The following CCDC57 variants were observed in gnomAD, a reference collection of about 807,000 sequenced individuals.
The protein encoded by CCDC57 is coiled-coil domain-containing protein 57.
In CCDC57, 118 loss-of-function variants were observed where a neutral mutation model predicts 118.9. The observed-to-expected ratio is 0.99, with a 90% confidence interval of 0.86 to 1.16. The LOEUF (loss-of-function observed/expected upper bound fraction) is 1.16, where lower values mean the gene tolerates loss of function less well. Ranked by LOEUF, CCDC57 falls within the 50% of genes most tolerant of loss-of-function variation. The pLI, the probability that CCDC57 is intolerant of heterozygous loss-of-function variation, is 0.00. For synonymous variants in CCDC57, 527 were observed against 532.9 expected, an observed-to-expected ratio of 0.99 and a Z score of 0.15; for missense variants, 1,300 against 1,320.7, an observed-to-expected ratio of 0.98 and a Z score of 0.24.
intron 13 of CCDC57, among the ~76,000 whole-genome samples, chr17:82,167,633 C>A (rs947961084): frequency 2.6e-5 from 4 of 151,190 alleles, no homozygotes; most frequent in African/African-American, 9.7e-5. Context: ...TTGCAGGCAC[C>A]CGCAACCACA....
intron 19 of CCDC57, among the ~76,000 whole-genome samples, chr17:82,102,983 G>C (rs2144844318): frequency 6.6e-6 from 1 of 152,370 alleles, no homozygotes; most frequent in Non-Finnish European, 1.5e-5. Context: ...GAGGACTCCA[G>C]CACGTGGCTG....
At chr17:82,176,677 G>C (rs1310721053) in intron 11 of CCDC57, among the ~76,000 whole-genome samples, 1 of 152,070 alleles carries the variant, frequency 6.6e-6, no homozygotes, top group Non-Finnish European at 1.5e-5. Context: ...GCTGGACTTC[G>C]TAGCCCCCAT....
At chr17:82,200,908 C>T (rs1287770379) in intron 3 of CCDC57, among the ~76,000 whole-genome samples, 6 of 152,212 alleles carry the variant, frequency 3.9e-5, no homozygotes, top group Non-Finnish European at 7.3e-5. Context: ...GCTCTCCTAA[C>T]GTCTGTACAC....
intron 19 of CCDC57, chr17:82,107,417 G>C: frequency 2.1e-6 from 1 of 468,788 alleles, no homozygotes; most frequent in Non-Finnish European, 4.4e-6. Context: ...TGTGTGGCTT[G>C]TCACCCTCCA....
intron 16 of CCDC57, among the ~76,000 whole-genome samples, chr17:82,144,056 A>AGAAAC (rs2040387573): frequency 6.6e-6 from 1 of 150,488 alleles, no homozygotes; most frequent in African/African-American, 2.4e-5. Context: ...ATTCCATCTC[A>AGAAAC]AAAACAAAAC....
At chr17:82,179,359 C>A (rs1324207623) in intron 9 of CCDC57, among the ~76,000 whole-genome samples, 170 bp from the exon 9 acceptor site, 2 of 152,112 alleles carry the variant, frequency 1.3e-5, no homozygotes, top group Non-Finnish European at 2.9e-5. Flanking sequence ...CTGGGACGCC[C>A]AATACAAAGA....
intron 16 of CCDC57, among the ~76,000 whole-genome samples, chr17:82,137,414 T>TA (rs1482607416): frequency 6.6e-6 from 1 of 152,264 alleles, no homozygotes; most frequent in Non-Finnish European, 1.5e-5. Context: ...GGTGCTGTCT[T>TA]ACCAGGGTAA....
intron 2 of CCDC57, among the ~76,000 whole-genome samples, chr17:82,205,929 G>C (rs1304179867): frequency 6.6e-6 from 1 of 152,228 alleles, no homozygotes; most frequent in Non-Finnish European, 1.5e-5. Flanking sequence ...CTCTGTTTCT[G>C]TACAAATCCC....
At chr17:82,124,417 A>C (rs1215814715) in intron 19 of CCDC57, among the ~76,000 whole-genome samples, 1 of 152,038 alleles carries the variant, frequency 6.6e-6, no homozygotes, top group Non-Finnish European at 1.5e-5. Flanking sequence ...CAACGACACG[A>C]CTCTGCTGGG....
intron 3 of CCDC57, among the ~76,000 whole-genome samples, chr17:82,201,073 G>C (rs1450977939): frequency 6.6e-6 from 1 of 152,186 alleles, no homozygotes; most frequent in African/African-American, 2.4e-5. Context: ...GGAGCTGAGG[G>C]GATACCAGGC....
intron 14 of CCDC57, among the ~76,000 whole-genome samples, chr17:82,162,095 G>C (rs1434359944): frequency 6.6e-6 from 1 of 152,104 alleles, no homozygotes; most frequent in East Asian, 1.9e-4. Flanking sequence ...CGCCTCCTGG[G>C]TTCAAGCGAT....
chr17:82,122,829 C>T (rs1326588220), intron 19 of CCDC57, among the ~76,000 whole-genome samples: 1 of 152,232 alleles, frequency 6.6e-6, no homozygotes, highest in Non-Finnish European at 1.5e-5. Flanking sequence ...GCAGGCTTTA[C>T]ATGACAGCTT....
exon 16 of CCDC57, chr17:82,151,728 G>A (rs1211739331): frequency 1.3e-6 from 2 of 1,550,314 alleles, no homozygotes; most frequent in South Asian, 2.4e-5. Context: ...TGCAGGAAAA[G>A]CTCCCCCTGG....
intron 7 of CCDC57, among the ~76,000 whole-genome samples, chr17:82,188,667 A>T (rs1424209263): frequency 3.9e-5 from 6 of 152,226 alleles, no homozygotes; most frequent in Non-Finnish European, 7.3e-5. Flanking sequence ...AAGGACACCA[A>T]AAGGAGGTGC....
At chr17:82,201,738 G>A (rs140436333) in exon 3 of CCDC57, 7 of 1,613,826 alleles carry the variant, frequency 4.3e-6, no homozygotes, top group African/African-American at 1.3e-5. Flanking sequence ...GCTCCAGCTC[G>A]AGGTCCCGCT....
intron 13 of CCDC57, among the ~76,000 whole-genome samples, chr17:82,170,163 C>G (rs867695553): frequency 6.6e-6 from 1 of 152,094 alleles, no homozygotes; most frequent in African/African-American, 2.4e-5. Flanking sequence ...TCTGAGGAGG[C>G]AGCTAAGGTT....
chr17:82,159,374 C>T (rs191119115), intron 14 of CCDC57, among the ~76,000 whole-genome samples: 12 of 152,362 alleles, frequency 7.9e-5, no homozygotes, highest in African/African-American at 1.9e-4. Context: ...AACTGCAAAG[C>T]ATCGGGGATC....
chr17:82,159,794 C>A (rs993683453), intron 14 of CCDC57, among the ~76,000 whole-genome samples: 3 of 151,866 alleles, frequency 2.0e-5, no homozygotes, highest in African/African-American at 7.3e-5. Context: ...GCCTCAGCCT[C>A]CCGAGTAGCT....
chr17:82,188,648 C>T lies in CCDC57; in HGVS notation c.852-229G>A, dbSNP rs116938601. Among the ~76,000 whole-genome samples, 131 of 152,358 alleles carry T rather than the reference C, an allele frequency of 8.6e-4. 3 individuals are homozygous for T. The East Asian group carries it at 0.024, about 28-fold the overall frequency. On this transcript the variant is annotated intron_variant, in intron 7 of 19. Transcript: ENST00000665763. ...TGGCCTGCCCTCCAGAGCCCACAGC[C>T]CCCTGGAGAAGGACACCAAAAGGAG... is the stretch of plus-strand genomic sequence containing the variant.
Sources: gnomAD v4.1 joint callset for allele counts (sites outside exome capture counted in the v4.1 genomes callset) on GRCh38, gnomAD v4.1.1 for gene constraint, MANE v1.5 for transcripts, NCBI Gene and HGNC (gene_info 2026-07-23, HGNC 2026-07-21) for gene names.